Variants in GAS2 observed in about 807,000 individuals in gnomAD.
The protein encoded by GAS2 is growth arrest-specific protein 2.
Under a neutral mutation model 37.5 loss-of-function variants are expected in GAS2, and 20 were observed. That is an observed-to-expected ratio of 0.53 (90% CI 0.37 to 0.77). GAS2 has a LOEUF of 0.77. Among genes scored for constraint, GAS2 ranks in the 30% least tolerant of loss-of-function variants. The pLI is 0.00. For synonymous variants in GAS2, 144 were observed against 132.2 expected, an observed-to-expected ratio of 1.09 and a Z score of -0.61; for missense variants, 336 against 373.4, an observed-to-expected ratio of 0.90 and a Z score of 0.82.
intron 1 of GAS2, among the ~76,000 whole-genome samples, chr11:22,659,363 A>T (rs1185048148): frequency 6.6e-6 from 1 of 152,176 alleles, no homozygotes. Context: ...TTTAAGAGGC[A>T]CTTTCAGTCT....
chr11:22,770,795 A>G (rs577994294), intron 7 of GAS2, among the ~76,000 whole-genome samples: 1 of 152,324 alleles, frequency 6.6e-6, no homozygotes, highest in South Asian at 2.1e-4. Flanking sequence ...AGTTATTCTC[A>G]TTGTCGTTCA....
At chr11:22,761,373 A>G (rs930981322) in intron 7 of GAS2, among the ~76,000 whole-genome samples, 1 of 152,166 alleles carries the variant, frequency 6.6e-6, no homozygotes, top group Non-Finnish European at 1.5e-5. Flanking sequence ...AGGTCTTTAC[A>G]CTTAACTAAG....
At chr11:22,629,794 G>A (rs1858719616) in intron 1 of GAS2, among the ~76,000 whole-genome samples, 1 of 151,986 alleles carries the variant, frequency 6.6e-6, no homozygotes, top group Non-Finnish European at 1.5e-5. Flanking sequence ...CATTTGCTAT[G>A]CAGAAGCTTT....
chr11:22,800,186 A>T (rs1856601297), intron 7 of GAS2, among the ~76,000 whole-genome samples: 1 of 152,088 alleles, frequency 6.6e-6, no homozygotes. Flanking sequence ...TGGGCTATAA[A>T]GTGCTTTGCG....
intron 3 of GAS2, among the ~76,000 whole-genome samples, chr11:22,696,804 T>G (rs1850543634): frequency 6.6e-6 from 1 of 152,024 alleles, no homozygotes; most frequent in African/African-American, 2.4e-5. Flanking sequence ...GTTTTTTTCT[T>G]GTAAATTTGT....
intron 4 of GAS2, among the ~76,000 whole-genome samples, chr11:22,733,230 T>C (rs1471548066): frequency 4.0e-5 from 6 of 151,646 alleles, no homozygotes; most frequent in Admixed American, 3.9e-4. Flanking sequence ...ATCCAATTCT[T>C]CTGACTTCTA....
At chr11:22,662,424 A>G (rs556667071), upstream of GAS2, among the ~76,000 whole-genome samples, 279 of 152,362 alleles carry the variant, frequency 1.8e-3, 1 homozygote, top group African/African-American at 6.2e-3. Flanking sequence ...CTAAGACACC[A>G]GCTTCTAAAA....
intron 3 of GAS2, among the ~76,000 whole-genome samples, chr11:22,688,885 A>T (rs565642460): frequency 6.6e-6 from 1 of 152,312 alleles, no homozygotes; most frequent in South Asian, 2.1e-4. Context: ...ACATGAAATC[A>T]ACCTAGATAC....
chr11:22,731,583 C>A (rs1852479660), intron 4 of GAS2, among the ~76,000 whole-genome samples: 1 of 151,608 alleles, frequency 6.6e-6, no homozygotes, highest in Non-Finnish European at 1.5e-5. Flanking sequence ...GCTTCAGGGG[C>A]AAACATTGTC....
intron 3 of GAS2, among the ~76,000 whole-genome samples, chr11:22,719,898 G>A (rs1851867291): frequency 6.6e-6 from 1 of 151,998 alleles, no homozygotes; most frequent in Non-Finnish European, 1.5e-5. Flanking sequence ...GAACAGAACT[G>A]CTATAAGCAT....
chr11:22,800,691 G>A (rs988037250), intron 7 of GAS2, among the ~76,000 whole-genome samples: 6 of 151,982 alleles, frequency 3.9e-5, no homozygotes, highest in African/African-American at 1.4e-4. Context: ...ATCCTGAGAG[G>A]GCGATGACAC....
intron 1 of GAS2, among the ~76,000 whole-genome samples, chr11:22,658,611 A>G (rs896196970): frequency 2.0e-5 from 3 of 152,218 alleles, no homozygotes; most frequent in Non-Finnish European, 4.4e-5. Flanking sequence ...ATATCCATCT[A>G]TCAGCAAGTC....
chr11:22,711,668 A>G (rs975943464), intron 3 of GAS2, among the ~76,000 whole-genome samples: 2 of 152,186 alleles, frequency 1.3e-5, no homozygotes, highest in Admixed American at 6.5e-5. Context: ...TTCTGGAAGC[A>G]TGGTGGGAGT....
intron 5 of GAS2, among the ~76,000 whole-genome samples, chr11:22,745,461 T>C (rs775351518): frequency 5.3e-5 from 8 of 151,928 alleles, no homozygotes; most frequent in Non-Finnish European, 7.4e-5. Flanking sequence ...AAAAATTAGC[T>C]CAAGATACAT....
chr11:22,763,603 A>T (rs1854513101), intron 7 of GAS2, among the ~76,000 whole-genome samples: 1 of 131,854 alleles, frequency 7.6e-6, no homozygotes, highest in Non-Finnish European at 1.6e-5. Flanking sequence ...CAATTCATTT[A>T]AAAAAATACA....
chr11:22,709,457 C>G (rs1490490979), intron 3 of GAS2, among the ~76,000 whole-genome samples: 1 of 152,052 alleles, frequency 6.6e-6, no homozygotes, highest in Non-Finnish European at 1.5e-5. Context: ...TAGGTGCTTT[C>G]TAGGACATCT....
At position 22,771,091 on chromosome 11, in the gene GAS2, T is replaced by C. The variant is rs1488944054; in HGVS notation, c.723+15138T>C. On this transcript the variant is annotated intron_variant, in intron 7 of 7. Coordinates refer to ENST00000454584, the MANE Select transcript of GAS2 (RefSeq NM_001143830.3). ...GGCACTCAGAAGTTAATATTTTACT[T>C]TTTTTTTTTTCATGAGGTACTAAAA... Among the ~76,000 whole-genome samples, 4 of 145,708 alleles carry C rather than the reference T, an allele frequency of 2.7e-5. No homozygotes were observed. The East Asian group carries it at 7.8e-4, about 28-fold the overall frequency.
At chr11:22,746,407 C>T (rs1853405908) in intron 5 of GAS2, among the ~76,000 whole-genome samples, 1 of 152,130 alleles carries the variant, frequency 6.6e-6, no homozygotes, top group South Asian at 2.1e-4. Context: ...GACACAGGCA[C>T]TCATGTGTTC....
chr11:22,634,412 A>G (rs1184679567), intron 1 of GAS2, among the ~76,000 whole-genome samples: 1 of 152,176 alleles, frequency 6.6e-6, no homozygotes, highest in Non-Finnish European at 1.5e-5. Context: ...AGGTTCCTTC[A>G]TGAGCACCAG....
Sources: allele counts gnomAD v4.1 joint callset (sites outside exome capture counted in the v4.1 genomes callset), GRCh38; gene constraint gnomAD v4.1.1; transcripts MANE v1.5; gene names NCBI Gene and HGNC (gene_info 2026-07-23, HGNC 2026-07-21).